The following OPCML variants were observed in gnomAD, a reference collection of about 807,000 sequenced individuals.
The protein encoded by OPCML is opioid-binding protein/cell adhesion molecule.
OPCML carries 13 observed loss-of-function variants against 37.8 expected under a neutral mutation model. The observed-to-expected ratio is 0.34, with a 90% CI of 0.22 to 0.55. OPCML has a LOEUF of 0.55. Among genes scored for constraint, OPCML ranks in the 20% least tolerant of loss-of-function variants. The probability of loss-of-function intolerance (pLI) is 0.91; values close to 1 mark genes in which losing one functional copy is unlikely to be tolerated. For synonymous variants in OPCML, 176 were observed against 168.8 expected (o/e 1.04, Z -0.33); for missense variants, 341 against 435.6 (o/e 0.78, Z 1.93).
intron 1 of OPCML, among the ~76,000 whole-genome samples, chr11:133,140,907 CGAA>C (rs573673024): frequency 0.055 from 267 of 4,842 alleles, 116 homozygotes; most frequent in Non-Finnish European, 0.073. Flanking sequence ...ACGACGACGA[CGAA>C]GAAGAAGAAG....
intron 3 of OPCML, 160 bp from the exon 4 acceptor site, chr11:132,529,346 A>C: frequency 2.7e-6 from 1 of 375,534 alleles, no homozygotes; most frequent in Non-Finnish European, 3.7e-6. Context: ...GGCCATATAC[A>C]TTTACCTTGT....
chr11:132,623,723 C>T (rs543409637), intron 3 of OPCML, among the ~76,000 whole-genome samples: 1 of 152,256 alleles, frequency 6.6e-6, no homozygotes, highest in South Asian at 2.1e-4. Context: ...GCCCCTGGCA[C>T]AGGGTCAATT....
At chr11:132,575,883 A>AT (rs1310034725) in intron 3 of OPCML, among the ~76,000 whole-genome samples, 4 of 151,914 alleles carry the variant, frequency 2.6e-5, no homozygotes, top group African/African-American at 9.7e-5. Flanking sequence ...TTTGTCTTCT[A>AT]TTTTTTTAGA....
At chr11:132,726,460 G>A (rs1265405804) in intron 2 of OPCML, among the ~76,000 whole-genome samples, 2 of 151,816 alleles carry the variant, frequency 1.3e-5, no homozygotes, top group Admixed American at 6.6e-5. Context: ...ACAACACATG[G>A]AAATTCAAGA....
intron 1 of OPCML, among the ~76,000 whole-genome samples, chr11:133,448,001 C>CT (rs1462124502): frequency 6.6e-6 from 1 of 152,064 alleles, no homozygotes; most frequent in Non-Finnish European, 1.5e-5. Flanking sequence ...TTTTCATTTT[C>CT]TTAATGGTGT....
At chr11:132,794,337 A>G (rs1038684893) in intron 2 of OPCML, among the ~76,000 whole-genome samples, 19 of 152,216 alleles carry the variant, frequency 1.2e-4, no homozygotes, top group African/African-American at 4.6e-4. Context: ...TGCAGGGCGC[A>G]GGGCAAAAGT....
intron 1 of OPCML, among the ~76,000 whole-genome samples, chr11:133,503,950 G>A (rs1947972618): frequency 6.6e-6 from 1 of 152,190 alleles, no homozygotes; most frequent in African/African-American, 2.4e-5. Flanking sequence ...GCGGGAGGAG[G>A]AGGAAAGGCA....
chr11:132,745,600 GAAAGAAAA>G (rs1172183509), intron 2 of OPCML, among the ~76,000 whole-genome samples: 37 of 141,740 alleles, frequency 2.6e-4, no homozygotes, highest in East Asian at 2.1e-3. Context: ...AAGAAAGAAA[GAAAGAAAA>G]AAAAAGGACA....
chr11:133,317,589 A>G (rs1218296211), intron 1 of OPCML, among the ~76,000 whole-genome samples: 1 of 152,220 alleles, frequency 6.6e-6, no homozygotes, highest in African/African-American at 2.4e-5. Flanking sequence ...AGTAGTCGCA[A>G]CGGAGTTAGA....
intron 1 of OPCML, among the ~76,000 whole-genome samples, chr11:133,346,098 C>A (rs1439605571): frequency 6.6e-6 from 1 of 152,158 alleles, no homozygotes; most frequent in East Asian, 1.9e-4. Flanking sequence ...GTTATTTCTA[C>A]AAAAATGATG....
chr11:132,933,820 C>T (rs745925849), intron 2 of OPCML, among the ~76,000 whole-genome samples: 6 of 152,096 alleles, frequency 3.9e-5, no homozygotes, highest in Admixed American at 1.3e-4. Flanking sequence ...GAAAAGCACA[C>T]GGCGGTACAA....
At chr11:132,899,034 A>G (rs1319582169) in intron 2 of OPCML, among the ~76,000 whole-genome samples, 1 of 152,144 alleles carries the variant, frequency 6.6e-6, no homozygotes, top group Non-Finnish European at 1.5e-5. Flanking sequence ...CCCCATGATC[A>G]AGGTCAATGG....
rs1053730448 is a variant in OPCML, at chr11:132,977,825, CA to C, written c.62-34816del. 2.6e-5 allele frequency among the ~76,000 whole-genome samples: 4 copies of C among 152,044 alleles called. No homozygotes were observed. In the South Asian group the frequency reaches 6.2e-4, roughly 24 times the overall value. ...CTGCTTAATGCTATGGAGAATAGGACAAAAAATGTGTGGTTTTATTTTTTTA... is the reference window on the plus strand; with the variant it reads ...CTGCTTAATGCTATGGAGAATAGGACAAAAATGTGTGGTTTTATTTTTTTA... On this transcript the variant is annotated intron_variant, in intron 1 of 7. Transcript: ENST00000524381.
At chr11:133,244,786 C>T (rs1337256477) in intron 1 of OPCML, among the ~76,000 whole-genome samples, 3 of 152,196 alleles carry the variant, frequency 2.0e-5, no homozygotes, top group African/African-American at 7.2e-5. Flanking sequence ...CCTGAGGCCT[C>T]CCCAGCCATG....
At chr11:133,272,152 A>G (rs117667694) in intron 1 of OPCML, among the ~76,000 whole-genome samples, 1,888 of 151,534 alleles carry the variant, frequency 0.012, 17 homozygotes, top group Non-Finnish European at 0.018. Flanking sequence ...CAAGAGGCTC[A>G]TGTTTCTTAG....
At chr11:133,125,639 T>C (rs1412570050) in intron 1 of OPCML, among the ~76,000 whole-genome samples, 2 of 127,346 alleles carry the variant, frequency 1.6e-5, no homozygotes, top group South Asian at 2.6e-4. Flanking sequence ...ATATAGTATA[T>C]ATACATGTGT....
At chr11:133,491,761 G>A (rs73587625) in intron 1 of OPCML, among the ~76,000 whole-genome samples, 6,726 of 152,138 alleles carry the variant, frequency 0.044, 496 homozygotes, top group African/African-American at 0.15. Context: ...GTCGCTTCCA[G>A]CACATCAAGA....
chr11:133,504,151 C>T (rs867573710), intron 1 of OPCML, among the ~76,000 whole-genome samples: 13 of 152,162 alleles, frequency 8.5e-5, no homozygotes, highest in Admixed American at 3.3e-4. Flanking sequence ...CTATCTGGGG[C>T]TCTGTAATGC....
At chr11:132,602,983 G>A (rs1011579741) in intron 3 of OPCML, among the ~76,000 whole-genome samples, 2 of 152,198 alleles carry the variant, frequency 1.3e-5, no homozygotes, top group African/African-American at 4.8e-5. Flanking sequence ...GGACACCTCT[G>A]CTCTGCTTGA....
Sources: gnomAD v4.1 joint callset for allele counts (sites outside exome capture counted in the v4.1 genomes callset) on GRCh38, gnomAD v4.1.1 for gene constraint, MANE v1.5 for transcripts, NCBI Gene and HGNC (gene_info 2026-07-23, HGNC 2026-07-21) for gene names.